The following TEX2 variants were observed in gnomAD, a reference collection of about 807,000 sequenced individuals.
The protein encoded by TEX2 is testis-expressed protein 2.
A neutral mutation model predicts 106.9 loss-of-function variants in TEX2; 53 were observed. The observed-to-expected ratio is 0.50, with a 90% CI of 0.40 to 0.62. The LOEUF (loss-of-function observed/expected upper bound fraction) is 0.62. Ranked by LOEUF, TEX2 falls within the 20% of genes least tolerant of loss-of-function variation. The pLI, the probability that TEX2 is intolerant of heterozygous loss-of-function variation, is 0.00. For synonymous variants in TEX2, 523 were observed against 534.8 expected (o/e 0.98, Z 0.30); for missense variants, 1,207 against 1,379.0 (o/e 0.88, Z 1.98).
intron 4 of TEX2, among the ~76,000 whole-genome samples, chr17:64,191,554 C>T (rs1289353582): frequency 6.6e-6 from 1 of 152,152 alleles, no homozygotes; most frequent in African/African-American, 2.4e-5. Flanking sequence ...CAGTGGCTCA[C>T]GCCTGTAATC....
chr17:64,183,412 G>A (rs941637369), intron 5 of TEX2, among the ~76,000 whole-genome samples: 45 of 152,118 alleles, frequency 3.0e-4, no homozygotes, highest in African/African-American at 7.7e-4. Context: ...AGCAACGTAT[G>A]AGGACTCCAA....
At chr17:64,187,800 C>G (rs552177014) in intron 5 of TEX2, among the ~76,000 whole-genome samples, 9 of 152,280 alleles carry the variant, frequency 5.9e-5, no homozygotes, top group Admixed American at 2.0e-4. Flanking sequence ...CCCCCGTGAC[C>G]AACAGGTCTG....
chr17:64,173,260 G>T (rs2031488179), intron 6 of TEX2, among the ~76,000 whole-genome samples: 1 of 151,976 alleles, frequency 6.6e-6, no homozygotes, highest in African/African-American at 2.4e-5. Flanking sequence ...AATCTGGCAA[G>T]TCCCTCTCCT....
chr17:64,194,843 C>T, intron 3 of TEX2, 52 bp downstream of exon 3: 12 of 1,559,702 alleles, frequency 7.7e-6, no homozygotes, highest in African/African-American at 1.4e-5. Context: ...ATCCAAGATG[C>T]CATATGCTTT....
chr17:64,180,664 G>A (rs2031817835), intron 5 of TEX2, among the ~76,000 whole-genome samples: 1 of 152,224 alleles, frequency 6.6e-6, no homozygotes, highest in South Asian at 2.1e-4. Context: ...TCATTTCGCT[G>A]TCTCAACTGT....
chr17:64,171,145 C>T lies in TEX2; in HGVS notation c.2626G>A (p.Val876Met), dbSNP rs1179750391. The T allele has an allele frequency of 1.9e-6, 3 of 1,613,998 alleles. No homozygotes were observed. The stretch of plus-strand genomic sequence containing the variant: ...TTGAAGGCCTGGAGGATTTTTGGCA[C>T]AGCCACGCCCATGTCAAGTTCCGTC... ...TLTELDMGVA[V>M]PKILQAFKPY... Residue 876 changes from valine (V) to methionine (M), a missense_variant, in exon 7 of 12, where the codon GTG (valine) becomes ATG (methionine). Val to Met is a conservative substitution (Grantham distance 21, BLOSUM62 1). This residue lies in a region of TEX2 where 1,067 missense variants were observed against 1,193.6 expected (regional missense o/e 0.89). Coordinates refer to ENST00000584379, the MANE Select transcript of TEX2 (RefSeq NM_001288732.2).
At chr17:64,199,394 G>A (rs185305868) in intron 2 of TEX2, among the ~76,000 whole-genome samples, 22 of 152,112 alleles carry the variant, frequency 1.4e-4, no homozygotes, top group East Asian at 7.7e-4. Flanking sequence ...GTGCCACCAC[G>A]CCCGGCTAAT....
At chr17:64,222,527 A>C (rs1373969863) in intron 1 of TEX2, among the ~76,000 whole-genome samples, 15 of 151,824 alleles carry the variant, frequency 9.9e-5, no homozygotes, top group African/African-American at 3.6e-4. Context: ...ACAAAAAAAA[A>C]AAAAAAAAAG....
chr17:64,164,098 T>G (rs2031011748), intron 7 of TEX2, among the ~76,000 whole-genome samples: 1 of 152,082 alleles, frequency 6.6e-6, no homozygotes. Context: ...TGAGAGGTTG[T>G]CCAGTGGTAA....
chr17:64,182,878 G>A (rs1273922700), intron 5 of TEX2, among the ~76,000 whole-genome samples: 1 of 151,122 alleles, frequency 6.6e-6, no homozygotes, highest in East Asian at 1.9e-4. Flanking sequence ...ACCAGTTAAT[G>A]GAAATATGGG....
chr17:64,155,340 C>T lies in TEX2; in HGVS notation c.2805-373G>A, dbSNP rs1034308489. 3.5e-5 allele frequency: 6 copies of T among 171,504 alleles called. No homozygotes were observed. The South Asian group carries it at 1.2e-3, about 34-fold the overall frequency. 10.6% of individuals were successfully genotyped at this position (171,504 alleles called of 1,614,324 possible). On this transcript the variant is annotated intron_variant, in intron 8 of 11. Transcript: ENST00000584379. ...CACACGGGAGGATGAACAGAAAGAGCGGATGGTTGCAAGAGTGAGGTGACA... is the reference window on the plus strand; with the variant it reads ...CACACGGGAGGATGAACAGAAAGAGTGGATGGTTGCAAGAGTGAGGTGACA...
intron 2 of TEX2, among the ~76,000 whole-genome samples, chr17:64,199,611 T>C (rs1325399112): frequency 6.6e-6 from 1 of 152,266 alleles, no homozygotes; most frequent in African/African-American, 2.4e-5. Context: ...TTAAACAATG[T>C]ATTTTATTTA....
At chr17:64,215,533 C>T (rs782162612) in intron 1 of TEX2, among the ~76,000 whole-genome samples, 7 of 152,098 alleles carry the variant, frequency 4.6e-5, no homozygotes, top group Admixed American at 1.3e-4. Flanking sequence ...CATCGTGGGG[C>T]AGTGGAAAGA....
At position 64,213,485 on chromosome 17, in the gene TEX2, G is replaced by A. The variant is rs1464388663; in HGVS notation, c.733C>T (p.His245Tyr). 6.2e-7 allele frequency: 1 copy of A among 1,614,050 alleles called. No homozygotes were observed. The highest frequency in any genetic ancestry group is 8.5e-7 in the Non-Finnish European group (1 of 1,180,030). The change falls in exon 2 of 12, where the codon CAC (histidine) becomes TAC (tyrosine). Residue 245 changes from histidine (H) to tyrosine (Y), a missense_variant. Around this residue, in one of 3 missense-constraint regions of TEX2, gnomAD observed 1,067 missense variants for 1,193.6 expected, o/e 0.89. Coordinates refer to ENST00000584379, the MANE Select transcript of TEX2 (RefSeq NM_001288732.2). The surrounding 1 kb of genome is among the most constrained non-coding windows in gnomAD (Gnocchi z 4.4). The stretch of plus-strand genomic sequence containing the variant: ...GGCTGTGTGAACTGCTTGAACAGGT[G>A]TAAGTTCAGTTTGGAATCAGGTGGC... ...YKPPDSKLNLHLFKQFTQPRN... is the reference protein window; with the variant it reads ...YKPPDSKLNLYLFKQFTQPRN...
At chr17:64,237,241 G>A (rs1480216112) in intron 1 of TEX2, among the ~76,000 whole-genome samples, 4 of 152,016 alleles carry the variant, frequency 2.6e-5, no homozygotes, top group Admixed American at 6.5e-5. Context: ...GCCTGAGGCA[G>A]GCGCAGAGCC....
At chr17:64,250,789 C>T (rs1363359737) in intron 1 of TEX2, among the ~76,000 whole-genome samples, 3 of 152,142 alleles carry the variant, frequency 2.0e-5, no homozygotes, top group African/African-American at 7.2e-5. Flanking sequence ...TCAAGCAATC[C>T]TCCCACCTCA....
chr17:64,261,277 A>AATT (rs144555271), intron 1 of TEX2, among the ~76,000 whole-genome samples: 1 of 152,164 alleles, frequency 6.6e-6, no homozygotes, highest in African/African-American at 2.4e-5. Context: ...CATACAGCAA[A>AATT]ATTATTATTA....
chr17:64,193,909 A>G lies in TEX2; in HGVS notation c.1846-20T>C. 1 of 1,485,568 alleles carries G rather than the reference A, an allele frequency of 6.7e-7. No homozygotes were observed. Among genetic ancestry groups the G allele is most frequent in the South Asian group, 1.4e-5 (1 of 71,438 alleles). The allele number at this position is 1,485,568 out of a possible 1,614,324, so 92.0% of individuals were successfully genotyped here. A position where few individuals can be genotyped will look rare whatever the true frequency, so the allele number is the denominator to read the frequency against. ...ATAAATCTACAGAGAAAGAAAAATGATGATTTATATATTAAAGATTGGCTA... is the reference window on the plus strand; with the variant it reads ...ATAAATCTACAGAGAAAGAAAAATGGTGATTTATATATTAAAGATTGGCTA... On this transcript the variant is annotated intron_variant, in intron 3 of 11. Coordinates refer to ENST00000584379, the MANE Select transcript of TEX2 (RefSeq NM_001288732.2).
At chr17:64,173,269 CTTTT>C (rs1228934910) in intron 6 of TEX2, among the ~76,000 whole-genome samples, 4 of 151,328 alleles carry the variant, frequency 2.6e-5, no homozygotes, top group African/African-American at 9.7e-5. Flanking sequence ...AGTCCCTCTC[CTTTT>C]TTTTTCTCCC....
Sources: allele counts gnomAD v4.1 joint callset (sites outside exome capture counted in the v4.1 genomes callset), GRCh38; gene constraint gnomAD v4.1.1; regional missense constraint gnomAD v4.1.1; non-coding constraint Gnocchi (gnomAD v3.1); transcripts MANE v1.5; gene names NCBI Gene and HGNC (gene_info 2026-07-23, HGNC 2026-07-21).